The following ZNF821 variants were observed in gnomAD, a reference collection of about 807,000 sequenced individuals.
ZNF821 encodes zinc finger protein 821.
Under a neutral mutation model 44.3 loss-of-function variants are expected in ZNF821, and 16 were observed. That is an observed-to-expected ratio of 0.36 (90% CI 0.24 to 0.55). The LOEUF is 0.55. Among genes scored for constraint, ZNF821 ranks in the 20% least tolerant of loss-of-function variants. The pLI, the probability that ZNF821 is intolerant of heterozygous loss-of-function variation, is 0.86. For synonymous variants in ZNF821, 204 were observed against 197.6 expected (o/e 1.03, Z -0.27); for missense variants, 436 against 547.6 (o/e 0.80, Z 2.03).
upstream of ZNF821, among the ~76,000 whole-genome samples, chr16:71,889,783 C>G (rs1349605605): frequency 6.6e-6 from 1 of 152,198 alleles, no homozygotes; most frequent in African/African-American, 2.4e-5. Flanking sequence ...AACCCCATCT[C>G]TACCAAATAA....
upstream of ZNF821, among the ~76,000 whole-genome samples, chr16:71,886,427 T>C (rs914129009): frequency 6.6e-6 from 1 of 152,224 alleles, no homozygotes; most frequent in Non-Finnish European, 1.5e-5. Flanking sequence ...TTGTTCTACA[T>C]CTAGAAGACC....
chr16:71,864,112 A>C, intron 6 of ZNF821, 26 bp downstream of exon 6: 1 of 1,595,020 alleles, frequency 6.3e-7, no homozygotes, highest in Non-Finnish European at 8.6e-7. Context: ...CTTGTGTTCC[A>C]GAGCACACAG....
At position 71,864,129 on chromosome 16, in the gene ZNF821, C is replaced by T. The variant is rs767514298; in HGVS notation, c.417+9G>A. 8.7e-6 allele frequency: 14 copies of T among 1,612,060 alleles called. No individual in the cohort carries two copies. Among genetic ancestry groups the T allele is most frequent in the Middle Eastern group, 1.7e-4 (1 of 5,840 alleles). ...TGTGTTCCAGAGCACACAGCTCCCC[C>T]ATCCATACCTGGTACACGTGAGCAA... On this transcript the variant is annotated intron_variant, in intron 6 of 7. Coordinates refer to ENST00000425432, the MANE Select transcript of ZNF821 (RefSeq NM_001201552.2).
intron 4 of ZNF821, among the ~76,000 whole-genome samples, chr16:71,866,916 C>G (rs2034608044): frequency 6.6e-6 from 1 of 152,224 alleles, no homozygotes; most frequent in Non-Finnish European, 1.5e-5. Context: ...TTGGAAAAGT[C>G]ATTCTGAATT....
In ZNF821 at chr16:71,871,491, G is replaced by A. The variant is rs1045054035; in HGVS notation, c.41-3454C>T. Among the ~76,000 whole-genome samples, 5 of 152,114 alleles carry A rather than the reference G, an allele frequency of 3.3e-5. No individual in the cohort carries two copies. In the East Asian group the frequency reaches 9.6e-4, roughly 29 times the overall value. On this transcript the variant is annotated intron_variant, in intron 3 of 7. Coordinates refer to ENST00000425432, the MANE Select transcript of ZNF821 (RefSeq NM_001201552.2). ...GTCCAGAATTATCCCTTCATAAGAAGGCAGTGAGACTTGCTAAAAGCATGT... is the reference window on the plus strand; with the variant it reads ...GTCCAGAATTATCCCTTCATAAGAAAGCAGTGAGACTTGCTAAAAGCATGT...
chr16:71,864,380 A>G (rs2034288227), intron 5 of ZNF821, 138 bp from the exon 6 acceptor site: 3 of 703,238 alleles, frequency 4.3e-6, no homozygotes, highest in African/African-American at 1.8e-5. Flanking sequence ...TTGTGGGCTG[A>G]AGGAAAAAGT....
intron 6 of ZNF821, among the ~76,000 whole-genome samples, chr16:71,862,474 C>CAAAA (rs1347383268): frequency 6.6e-6 from 1 of 152,048 alleles, no homozygotes; most frequent in Non-Finnish European, 1.5e-5. Flanking sequence ...AATTCTGTCT[C>CAAAA]AAAAACAAAA....
At position 71,860,467 on chromosome 16, in the gene ZNF821, T is replaced by G. The variant is rs1349294953; in HGVS notation, c.790A>C (p.Asn264His). The G allele has an allele frequency of 4.3e-6, 7 of 1,614,142 alleles. No individual in the cohort carries two copies. The highest frequency in any genetic ancestry group is 5.9e-6 in the Non-Finnish European group (7 of 1,180,032). The change falls in exon 8 of 8, where the codon AAT becomes CAT. Residue 264 changes from asparagine (N) to histidine (H), a missense_variant. This residue lies in a region of ZNF821 where 68 missense variants were observed against 57.0 expected (regional missense o/e 1.19). Coordinates refer to ENST00000425432, the MANE Select transcript of ZNF821 (RefSeq NM_001201552.2). This position sits in a 1 kb window ranked among gnomAD's most constrained non-coding sequence, Gnocchi z 7.3. ...TGCAGCCGTACTTCCAAAGGCTCATTCTGTCGACGTAGAGCCCACTTGCGT... is the reference window on the plus strand; with the variant it reads ...TGCAGCCGTACTTCCAAAGGCTCATGCTGTCGACGTAGAGCCCACTTGCGT... The part of the protein sequence containing the change: ...SVRKWALRRQ[N>H]EPLEVRLQRL...
At chr16:71,867,810 C>A in intron 4 of ZNF821, 102 bp downstream of exon 4, 3 of 1,431,280 alleles carry the variant, frequency 2.1e-6, no homozygotes, top group Non-Finnish European at 2.8e-6. Flanking sequence ...TCTCCTTTTT[C>A]ATGTCTTTCT....
chr16:71,895,004 G>T, exon 1 of ZNF821: 1 of 604,772 alleles, frequency 1.7e-6, no homozygotes, highest in Admixed American at 2.9e-5. Context: ...TTAAAAGCGG[G>T]GCGGGGGAAC....
At chr16:71,887,399 A>T (rs543912784), upstream of ZNF821, among the ~76,000 whole-genome samples, 1 of 151,734 alleles carries the variant, frequency 6.6e-6, no homozygotes, top group African/African-American at 2.4e-5. Context: ...AGCTGGGACT[A>T]CAGGTGCCCG....
In ZNF821 at chr16:71,890,950, T is replaced by C. The variant is rs1294760602; in HGVS notation, n.448+3939A>G. Among the ~76,000 whole-genome samples the C allele has an allele frequency of 2.0e-5, 3 of 151,608 alleles. No individual in the cohort carries two copies. The East Asian group carries it at 5.8e-4, about 29-fold the overall frequency. ...CACGCCCAGCTAATTTTTTTTTGTA[T>C]TTTTTAGCGGAGACGGGGTTTCACT... On this transcript the variant is annotated intron_variant and non_coding_transcript_variant, in intron 1 of 2. Coordinates refer to the ZNF821 transcript ENST00000561700.
chr16:71,880,801 T>C (rs1365650957), intron 2 of ZNF821, among the ~76,000 whole-genome samples: 1 of 152,140 alleles, frequency 6.6e-6, no homozygotes, highest in Non-Finnish European at 1.5e-5. Flanking sequence ...CTCTTCTCAA[T>C]CTAGCCTCTG....
At chr16:71,895,148 C>T in exon 1 of ZNF821, 1 of 268,556 alleles carries the variant, frequency 3.7e-6, no homozygotes, top group Non-Finnish European at 7.2e-6. Context: ...GGAGCAACTC[C>T]CGGCGTCAGA....
At chr16:71,895,075 C>G in exon 1 of ZNF821, 1 of 428,016 alleles carries the variant, frequency 2.3e-6, no homozygotes, top group Non-Finnish European at 4.2e-6. Flanking sequence ...ACGCAGGCTT[C>G]GAAACCCCCT....
Position 71,860,836 on chromosome 16 carries a change from G to C in ZNF821, c.585-164C>G, listed in dbSNP as rs1287350445. Among the ~76,000 whole-genome samples the C allele has an allele frequency of 1.3e-5, 2 of 149,946 alleles. No individual in the cohort carries two copies. The highest frequency in any genetic ancestry group is 2.4e-5 in the African/African-American group (1 of 40,994). On this transcript the variant is annotated intron_variant, in intron 7 of 7. Transcript: ENST00000425432. This position sits in a 1 kb window ranked among gnomAD's most constrained non-coding sequence, Gnocchi z 7.3. ...TTCTGCTGCTCCATCCCTTCTCTTCGCGTGAGAGTTGTCTACCAACTTTTT... is the reference window on the plus strand; with the variant it reads ...TTCTGCTGCTCCATCCCTTCTCTTCCCGTGAGAGTTGTCTACCAACTTTTT...
At chr16:71,878,010 GTTTT>G (rs2036019694) in intron 3 of ZNF821, among the ~76,000 whole-genome samples, 1 of 147,150 alleles carries the variant, frequency 6.8e-6, no homozygotes, top group South Asian at 2.1e-4. Context: ...ACATATATAG[GTTTT>G]TTGTTTTTTA....
At chr16:71,861,744 C>A in intron 7 of ZNF821, 32 bp downstream of exon 7, 2 of 1,610,290 alleles carry the variant, frequency 1.2e-6, no homozygotes, top group Non-Finnish European at 1.7e-6. Context: ...GTAATTTGCT[C>A]CCAGCACAAC....
intron 3 of ZNF821, among the ~76,000 whole-genome samples, chr16:71,868,811 C>G (rs1180759446): frequency 6.6e-6 from 1 of 151,330 alleles, no homozygotes; most frequent in Non-Finnish European, 1.5e-5. Flanking sequence ...CTGGCACCCG[C>G]CTCCATGCCC....
Sources: gnomAD v4.1 joint callset for allele counts (sites outside exome capture counted in the v4.1 genomes callset) on GRCh38, gnomAD v4.1.1 for gene constraint, gnomAD v4.1.1 regional missense constraint, Gnocchi (gnomAD v3.1) non-coding constraint, MANE v1.5 for transcripts, NCBI Gene and HGNC (gene_info 2026-07-23, HGNC 2026-07-21) for gene names.